Variants in FSTL4 observed in about 807,000 individuals in gnomAD.
FSTL4 encodes the protein follistatin like 4.
A neutral mutation model predicts 78.2 loss-of-function variants in FSTL4; 28 were observed. That is an observed-to-expected ratio of 0.36 (90% confidence interval 0.27 to 0.49). FSTL4 has a LOEUF of 0.49. Ranked by LOEUF, FSTL4 falls within the 20% of genes least tolerant of loss-of-function variation. The pLI is 0.98. For synonymous variants in FSTL4, 422 were observed against 440.5 expected (o/e 0.96, Z 0.53); for missense variants, 922 against 1,084.9 (o/e 0.85, Z 2.11).
chr5:133,541,060 G>C (rs1259814563), intron 3 of FSTL4, among the ~76,000 whole-genome samples: 3 of 152,116 alleles, frequency 2.0e-5, no homozygotes, highest in Non-Finnish European at 4.4e-5. Context: ...GGTGTTTTGA[G>C]GTTTTGTCAT....
At chr5:133,581,644 G>T (rs1456925413) in intron 2 of FSTL4, among the ~76,000 whole-genome samples, 1 of 152,244 alleles carries the variant, frequency 6.6e-6, no homozygotes, top group Admixed American at 6.5e-5. Flanking sequence ...GAGGACAGAA[G>T]TGGGCATTTT....
intron 7 of FSTL4, among the ~76,000 whole-genome samples, chr5:133,245,362 G>A (rs1752010055): frequency 6.6e-6 from 1 of 152,144 alleles, no homozygotes; most frequent in South Asian, 2.1e-4. Flanking sequence ...TGGAAAAGGC[G>A]CTCCAGACTC....
chr5:133,385,722 T>C (rs1464279239), intron 4 of FSTL4, among the ~76,000 whole-genome samples: 2 of 152,208 alleles, frequency 1.3e-5, no homozygotes, highest in Admixed American at 1.3e-4. Context: ...CAGGAATCAT[T>C]ATATACATAG....
the FSTL4 span, among the ~76,000 whole-genome samples, chr5:133,751,833 A>C: frequency 6.6e-6 from 1 of 152,330 alleles, no homozygotes; most frequent in South Asian, 2.1e-4. Context: ...GCACAGACCA[A>C]CTGTTTCTGA....
At chr5:133,292,544 C>T (rs1753289720) in intron 6 of FSTL4, among the ~76,000 whole-genome samples, 1 of 129,860 alleles carries the variant, frequency 7.7e-6, no homozygotes. Flanking sequence ...GCCTGAGGCC[C>T]ACCTGTGAAT....
chr5:133,343,120 A>G (rs563974847), intron 4 of FSTL4, among the ~76,000 whole-genome samples: 10 of 152,288 alleles, frequency 6.6e-5, no homozygotes, highest in Non-Finnish European at 1.3e-4. Context: ...GCATCATCAC[A>G]AGGGCTCAGG....
chr5:133,448,742 G>GTT (rs1378772074), intron 3 of FSTL4, among the ~76,000 whole-genome samples: 5 of 146,750 alleles, frequency 3.4e-5, no homozygotes, highest in Non-Finnish European at 7.6e-5. Context: ...GCGGGGGCGG[G>GTT]GGGGGGGGGC....
intron 3 of FSTL4, among the ~76,000 whole-genome samples, chr5:133,509,227 C>T (rs1758674442): frequency 6.6e-6 from 1 of 152,208 alleles, no homozygotes; most frequent in Non-Finnish European, 1.5e-5. Context: ...GTGAGCCCTT[C>T]TCCTGCAGTT....
intron 3 of FSTL4, among the ~76,000 whole-genome samples, chr5:133,454,962 G>A (rs934677279): frequency 1.3e-5 from 2 of 152,236 alleles, no homozygotes. Context: ...AGATCGCCTT[G>A]AGGGCAGGGC....
the FSTL4 span, among the ~76,000 whole-genome samples, chr5:133,629,840 A>T: frequency 6.6e-6 from 1 of 152,230 alleles, no homozygotes; most frequent in African/African-American, 2.4e-5. Context: ...GGCTGGTTCA[A>T]TATATGCAAA....
chr5:133,199,216 TG>T lies in FSTL4; in HGVS notation c.2407del (p.Gln803SerfsTer28). The stretch of plus-strand genomic sequence containing the variant: ...CTCTCGGGCTGGTGTGAGGAGGTAC[TG>T]TCCAAACAGCCCACTGTCCCTCATG... The part of the protein sequence containing the change: ...RIMRDSGLFG[Q>X]YLLTPARESL... On this transcript the variant is annotated frameshift_variant, in exon 16 of 16. Coordinates refer to ENST00000265342, the MANE Select transcript of FSTL4 (RefSeq NM_015082.2). LOFTEE classifies it low-confidence loss of function (END_TRUNC). This position sits in a 1 kb window ranked among gnomAD's most constrained non-coding sequence, Gnocchi z 4.4. The T allele has an allele frequency of 6.2e-7, 1 of 1,613,452 alleles. No homozygotes were observed. The highest frequency in any genetic ancestry group is 8.5e-7 in the Non-Finnish European group (1 of 1,179,454).
At chr5:133,413,279 T>A (rs1214971937) in intron 3 of FSTL4, among the ~76,000 whole-genome samples, 1 of 151,688 alleles carries the variant, frequency 6.6e-6, no homozygotes, top group Non-Finnish European at 1.5e-5. Flanking sequence ...TATGTTTGTC[T>A]AAAATGTCTA....
At chr5:133,789,811 T>A in the FSTL4 span, among the ~76,000 whole-genome samples, 1 of 152,218 alleles carries the variant, frequency 6.6e-6, no homozygotes, top group South Asian at 2.1e-4. Context: ...CTCTGATGTC[T>A]CTTCTTATAA....
intron 3 of FSTL4, among the ~76,000 whole-genome samples, chr5:133,527,472 T>TACACAC (rs3065527): frequency 5.8e-4 from 53 of 90,648 alleles, no homozygotes; most frequent in South Asian, 4.4e-3. Context: ...TGTGCACGTG[T>TACACAC]ACACACACAC....
chr5:133,636,492 T>C, the FSTL4 span, among the ~76,000 whole-genome samples: 1 of 152,116 alleles, frequency 6.6e-6, no homozygotes, highest in African/African-American at 2.4e-5. Context: ...TACTGAATAG[T>C]GAATGAATAA....
chr5:133,635,842 A>G, the FSTL4 span, among the ~76,000 whole-genome samples: 1 of 152,194 alleles, frequency 6.6e-6, no homozygotes, highest in Non-Finnish European at 1.5e-5. Context: ...TGAAAATATC[A>G]TCACTCCTTT....
At chr5:133,660,567 G>A in the FSTL4 span, among the ~76,000 whole-genome samples, 16 of 152,252 alleles carry the variant, frequency 1.1e-4, no homozygotes, top group East Asian at 5.8e-4. Context: ...ATGGAGTTAC[G>A]TGTCTACAGC....
intron 3 of FSTL4, among the ~76,000 whole-genome samples, chr5:133,495,850 C>G (rs1758357827): frequency 6.6e-6 from 1 of 152,108 alleles, no homozygotes; most frequent in South Asian, 2.1e-4. Flanking sequence ...ATCAGATGAT[C>G]AAGGTGGTTA....
chr5:133,470,520 G>C (rs993573942), intron 3 of FSTL4, among the ~76,000 whole-genome samples: 1 of 152,070 alleles, frequency 6.6e-6, no homozygotes, highest in African/African-American at 2.4e-5. Flanking sequence ...TGAGGCAGGC[G>C]GATCACCTGG....
Sources: allele counts gnomAD v4.1 joint callset (sites outside exome capture counted in the v4.1 genomes callset), GRCh38; gene constraint gnomAD v4.1.1; non-coding constraint Gnocchi (gnomAD v3.1); transcripts MANE v1.5; gene names NCBI Gene and HGNC (gene_info 2026-07-23, HGNC 2026-07-21).